The following NTNG1 variants were observed in gnomAD, a reference collection of about 807,000 sequenced individuals.
The protein encoded by NTNG1 is netrin-G1.
In NTNG1, 16 loss-of-function variants were observed where a neutral mutation model predicts 54.0. That is an observed-to-expected ratio of 0.30 (90% CI 0.20 to 0.45). The LOEUF is 0.45. Ranked by LOEUF, NTNG1 falls within the 20% of genes least tolerant of loss-of-function variation. The pLI is 1.00. For missense variants in NTNG1, 530 were observed against 678.7 expected (o/e 0.78, Z 2.43); for synonymous variants, 255 against 263.1 (o/e 0.97, Z 0.30).
intron 2 of NTNG1, among the ~76,000 whole-genome samples, chr1:107,237,053 G>T (rs1416172246): frequency 6.6e-6 from 1 of 152,188 alleles, no homozygotes; most frequent in Non-Finnish European, 1.5e-5. Context: ...GAAGAAGACA[G>T]GAAAATGTGG....
At chr1:107,262,076 T>A (rs41466447) in intron 2 of NTNG1, among the ~76,000 whole-genome samples, 2,245 of 152,340 alleles carry the variant, frequency 0.015, 130 homozygotes, top group Admixed American at 0.11. Context: ...GCAGTTAATG[T>A]ACCTAAGTGC....
At chr1:107,227,085 C>T (rs1273423987) in intron 2 of NTNG1, among the ~76,000 whole-genome samples, 2 of 152,008 alleles carry the variant, frequency 1.3e-5, no homozygotes, top group African/African-American at 2.4e-5. Context: ...AATCATACTC[C>T]CTCCTCCTGG....
intron 2 of NTNG1, among the ~76,000 whole-genome samples, chr1:107,198,536 A>G (rs1156514455): frequency 6.6e-6 from 1 of 151,926 alleles, no homozygotes; most frequent in Non-Finnish European, 1.5e-5. Context: ...GAGAAATAAT[A>G]TTTGTCCAAA....
At chr1:107,378,648 C>G (rs752592004) in intron 3 of NTNG1, among the ~76,000 whole-genome samples, 1 of 152,054 alleles carries the variant, frequency 6.6e-6, no homozygotes, top group Non-Finnish European at 1.5e-5. Context: ...AGAAGAATGT[C>G]GAGGAAGGAG....
At chr1:107,223,548 T>A (rs1418661920) in intron 2 of NTNG1, among the ~76,000 whole-genome samples, 1 of 152,162 alleles carries the variant, frequency 6.6e-6, no homozygotes, top group African/African-American at 2.4e-5. Flanking sequence ...AAGTAAAATA[T>A]AGTATAAATC....
In NTNG1 at chr1:107,484,604, G is replaced by T. The variant is rs937011763; in HGVS notation, c.*3764G>T. 6.6e-6 allele frequency among the ~76,000 whole-genome samples: 1 copy of T among 152,214 alleles called. No homozygotes were observed. The highest frequency in any genetic ancestry group is 1.5e-5 in the Non-Finnish European group (1 of 68,042). On this transcript the variant is annotated 3_prime_UTR_variant, in exon 8 of 8. Transcript: ENST00000370068. ...ACACAAAGAAAGGTCCAGGTTGGAA[G>T]AAGGCGTCTGCTCCACAGTTCAGCT...
intron 2 of NTNG1, among the ~76,000 whole-genome samples, chr1:107,175,022 A>T (rs557220086): frequency 6.6e-6 from 1 of 152,294 alleles, no homozygotes; most frequent in East Asian, 1.9e-4. Flanking sequence ...CTTAATGGTG[A>T]AATATTATCA....
chr1:107,297,549 C>G (rs1182748284), intron 2 of NTNG1, among the ~76,000 whole-genome samples: 1 of 152,016 alleles, frequency 6.6e-6, no homozygotes, highest in East Asian at 1.9e-4. Flanking sequence ...TCCCTGGAAT[C>G]TGCATTCTTA....
At chr1:107,441,209 T>G (rs1330692051) in intron 7 of NTNG1, among the ~76,000 whole-genome samples, 1 of 144,326 alleles carries the variant, frequency 6.9e-6, no homozygotes, top group Non-Finnish European at 1.5e-5. Flanking sequence ...AGCGCCAAAG[T>G]AACTGGACGT....
chr1:107,337,066 A>C (rs889348163), intron 3 of NTNG1, among the ~76,000 whole-genome samples: 2 of 152,044 alleles, frequency 1.3e-5, no homozygotes, highest in African/African-American at 4.8e-5. Flanking sequence ...TTACTCAAAA[A>C]ACTAAACATA....
At chr1:107,322,211 C>T (rs769528064) in intron 2 of NTNG1, among the ~76,000 whole-genome samples, 17 of 152,084 alleles carry the variant, frequency 1.1e-4, no homozygotes, top group Non-Finnish European at 2.4e-4. Context: ...GCTCTGCACA[C>T]CTGTGCTGAA....
intron 5 of NTNG1, among the ~76,000 whole-genome samples, chr1:107,426,737 A>G (rs1026808798): frequency 1.3e-5 from 2 of 152,044 alleles, no homozygotes; most frequent in Admixed American, 6.6e-5. Context: ...TGGAAATTTG[A>G]TAGGAATTGC....
chr1:107,231,537 C>A lies in NTNG1; in HGVS notation c.246+82698C>A, dbSNP rs373578780. Among the ~76,000 whole-genome samples, 7 of 152,234 alleles carry A rather than the reference C, an allele frequency of 4.6e-5. No individual in the cohort carries two copies. In the South Asian group the frequency reaches 6.2e-4, roughly 14 times the overall value. On this transcript the variant is annotated intron_variant, in intron 2 of 7. Coordinates refer to ENST00000370068, the MANE Select transcript of NTNG1 (RefSeq NM_001113226.3). ...GGCTAATTCATCTCAGATGGCTAGT[C>A]ATTTGCTCCTTATGATATGAGTAGG...
intron 2 of NTNG1, among the ~76,000 whole-genome samples, chr1:107,188,794 A>G (rs139965585): frequency 6.6e-6 from 1 of 152,246 alleles, no homozygotes; most frequent in African/African-American, 2.4e-5. Context: ...TTCCTGACTT[A>G]GCTGAAAACT....
intron 5 of NTNG1, chr1:107,408,392 A>G (rs1673582925): frequency 6.5e-6 from 1 of 153,702 alleles, no homozygotes. Context: ...GAGTGAGAGT[A>G]CTAGAAATTC....
intron 7 of NTNG1, among the ~76,000 whole-genome samples, chr1:107,458,947 ATC>A (rs1416081873): frequency 1.3e-5 from 2 of 152,168 alleles, no homozygotes; most frequent in African/African-American, 4.8e-5. Flanking sequence ...ACTTCCTACA[ATC>A]TCAGAAGGGA....
At chr1:107,287,885 T>C (rs1665299581) in intron 2 of NTNG1, among the ~76,000 whole-genome samples, 1 of 152,118 alleles carries the variant, frequency 6.6e-6, no homozygotes, top group Non-Finnish European at 1.5e-5. Context: ...TAAGGTAATA[T>C]AAGATAAAGA....
At chr1:107,458,826 G>A (rs521721) in intron 7 of NTNG1, among the ~76,000 whole-genome samples, 58,766 of 151,816 alleles carry the variant, frequency 0.39, 11,583 homozygotes, top group South Asian at 0.49. Flanking sequence ...GCCAATTTCT[G>A]TAGATTTTCT....
intron 7 of NTNG1, among the ~76,000 whole-genome samples, chr1:107,468,989 AGG>A (rs1351583765): frequency 1.3e-5 from 2 of 150,550 alleles, no homozygotes; most frequent in African/African-American, 4.9e-5. Flanking sequence ...CCAGCTACTC[AGG>A]AGGCTGAAGC....
Sources: gnomAD v4.1 joint callset for allele counts (sites outside exome capture counted in the v4.1 genomes callset) on GRCh38, gnomAD v4.1.1 for gene constraint, MANE v1.5 for transcripts, NCBI Gene and HGNC (gene_info 2026-07-23, HGNC 2026-07-21) for gene names.